The following DCLK1 variants were observed in gnomAD, a reference collection of about 807,000 sequenced individuals.
DCLK1 encodes the protein doublecortin like kinase 1.
In DCLK1, 16 loss-of-function variants were observed where a neutral mutation model predicts 86.2. The observed-to-expected ratio is 0.19, with a 90% CI of 0.13 to 0.28. The LOEUF (loss-of-function observed/expected upper bound fraction) is 0.28, where lower values mean the gene tolerates loss of function less well. Among genes scored for constraint, DCLK1 ranks in the 10% least tolerant of loss-of-function variants. The pLI is 1.00. For synonymous variants in DCLK1, 369 were observed against 370.5 expected, an observed-to-expected ratio of 1.00 and a Z score of 0.05; for missense variants, 590 against 940.2, an observed-to-expected ratio of 0.63 and a Z score of 4.87.
At chr13:35,866,925 C>G (rs1422712643) in intron 5 of DCLK1, among the ~76,000 whole-genome samples, 1 of 152,198 alleles carries the variant, frequency 6.6e-6, no homozygotes, top group Non-Finnish European at 1.5e-5. Flanking sequence ...GGACAGGAGA[C>G]CTGGGCCAGA....
intron 16 of DCLK1, among the ~76,000 whole-genome samples, chr13:35,788,811 A>C (rs565205659): frequency 6.6e-6 from 1 of 152,326 alleles, no homozygotes; most frequent in African/African-American, 2.4e-5. Context: ...TTAAAGGTGA[A>C]TCTTTTCTTT....
intron 4 of DCLK1, among the ~76,000 whole-genome samples, chr13:35,909,595 ATATGTGTGTGTGTG>A (rs1340381137): frequency 9.7e-5 from 10 of 102,886 alleles, no homozygotes; most frequent in South Asian, 3.5e-4. Context: ...TGCTGTGTGC[ATATGTGTGTGTGTG>A]TGTGTGTGTG....
rs1215665059 is a variant in DCLK1 at position 35,950,120 on chromosome 13, C to T, written c.724-2663G>A. ...AACCACTTTCCTGCTCACAACTTCC[C>T]ATTGGAAAAGGTAGGTATGGTCAGT... is the stretch of plus-strand genomic sequence containing the variant. On this transcript the variant is annotated intron_variant, in intron 3 of 16. Coordinates refer to ENST00000360631, the MANE Select transcript of DCLK1 (RefSeq NM_001330071.2). Among the ~76,000 whole-genome samples, 9 of 152,320 alleles carry T rather than the reference C, an allele frequency of 5.9e-5. No homozygotes were observed. The South Asian group carries it at 1.9e-3, about 32-fold the overall frequency.
intron 4 of DCLK1, among the ~76,000 whole-genome samples, chr13:35,913,628 T>C (rs930265515): frequency 1.2e-4 from 18 of 152,228 alleles, no homozygotes; most frequent in African/African-American, 4.3e-4. Flanking sequence ...ACATTTTTTT[T>C]CTTAAAACTC....
intron 3 of DCLK1, among the ~76,000 whole-genome samples, chr13:35,967,255 C>T (rs1356287772): frequency 3.1e-4 from 47 of 150,702 alleles, no homozygotes; most frequent in Non-Finnish European, 5.3e-4. Flanking sequence ...AGGTTGGGGG[C>T]GCCTCTGCCC....
At chr13:35,788,519 G>GT (rs1235693336) in intron 16 of DCLK1, among the ~76,000 whole-genome samples, 1 of 152,164 alleles carries the variant, frequency 6.6e-6, no homozygotes, top group Non-Finnish European at 1.5e-5. Flanking sequence ...CTTCAAACAA[G>GT]TTTTTGAATG....
rs118073060 is a variant in DCLK1 at position 35,897,283 on chromosome 13, T to C, written c.824-25943A>G. 7.4e-4 allele frequency among the ~76,000 whole-genome samples: 113 copies of C among 152,100 alleles called. 2 individuals are homozygous for C. In the East Asian group the frequency reaches 0.02, roughly 27 times the overall value. Reference sequence around the variant, plus strand: ...TTAGAGAGAACACTGGGAGGCAATGTGGAGGATGGAGCTGAGGAGTGCAAG... The same window carrying C: ...TTAGAGAGAACACTGGGAGGCAATGCGGAGGATGGAGCTGAGGAGTGCAAG... On this transcript the variant is annotated intron_variant, in intron 4 of 16. Transcript: ENST00000360631.
In DCLK1 at chr13:36,019,714, A is replaced by G. The variant is rs114241241; in HGVS notation, c.724-72257T>C. 2.8e-3 allele frequency among the ~76,000 whole-genome samples: 423 copies of G among 152,300 alleles called. 1 individual carries two copies. The highest frequency in any genetic ancestry group is 9.4e-3 in the African/African-American group (392 of 41,552). ...TATTTCTTCATATGCTTCTTATTCA[A>G]TCCCTCCTAACTCTTGGCAATACAA... is the stretch of plus-strand genomic sequence containing the variant. On this transcript the variant is annotated intron_variant, in intron 3 of 16. Coordinates refer to ENST00000360631, the MANE Select transcript of DCLK1 (RefSeq NM_001330071.2).
intron 3 of DCLK1, among the ~76,000 whole-genome samples, chr13:36,100,817 AG>A (rs1321527598): frequency 6.6e-6 from 1 of 152,174 alleles, no homozygotes; most frequent in Non-Finnish European, 1.5e-5. Flanking sequence ...TCTGATCACT[AG>A]GTGGTTCCTT....
Position 36,003,828 on chromosome 13 carries a change from T to TA in DCLK1, c.724-56372dup, listed in dbSNP as rs1880830545. ...TGAAAAGATATTTTATGGAAGTAGT[T>TA]ATGATTTTTAAAATTTAATTACCTG... On this transcript the variant is annotated intron_variant, in intron 3 of 16. Coordinates refer to ENST00000360631, the MANE Select transcript of DCLK1 (RefSeq NM_001330071.2). Among the ~76,000 whole-genome samples the TA allele has an allele frequency of 2.6e-5, 4 of 152,238 alleles. No homozygotes were observed. In the South Asian group the frequency reaches 8.3e-4, roughly 32 times the overall value.
At chr13:36,114,717 G>A (rs138347336) in intron 2 of DCLK1, among the ~76,000 whole-genome samples, 184 of 152,184 alleles carry the variant, frequency 1.2e-3, no homozygotes, top group Admixed American at 6.0e-3. Context: ...TGTGGTTCCC[G>A]CCTTAATGCA....
intron 3 of DCLK1, among the ~76,000 whole-genome samples, chr13:36,057,065 C>T (rs995238069): frequency 2.6e-5 from 4 of 151,266 alleles, no homozygotes; most frequent in Non-Finnish European, 4.4e-5. Flanking sequence ...AGTTTATATA[C>T]ACACACACAC....
intron 3 of DCLK1, among the ~76,000 whole-genome samples, chr13:35,981,227 G>GTT (rs148132582): frequency 6.8e-6 from 1 of 146,204 alleles, no homozygotes; most frequent in East Asian, 2.0e-4. Flanking sequence ...AAAGTGTTTT[G>GTT]TTTTTTTTTT....
At chr13:36,068,369 A>G (rs1883842923) in intron 3 of DCLK1, among the ~76,000 whole-genome samples, 1 of 150,420 alleles carries the variant, frequency 6.6e-6, no homozygotes, top group Non-Finnish European at 1.5e-5. Context: ...AACTCTTTAC[A>G]CAAAGCCACA....
At chr13:35,873,846 T>C (rs894466688) in intron 4 of DCLK1, among the ~76,000 whole-genome samples, 2 of 152,234 alleles carry the variant, frequency 1.3e-5, no homozygotes. Context: ...TGTACATTTT[T>C]CCCACACGCA....
At chr13:36,057,851 G>T (rs888602540) in intron 3 of DCLK1, among the ~76,000 whole-genome samples, 2 of 152,128 alleles carry the variant, frequency 1.3e-5, no homozygotes, top group African/African-American at 4.8e-5. Flanking sequence ...TAGAAAGTCG[G>T]CCAGTCATGA....
At chr13:35,977,850 A>G (rs1244564784) in intron 3 of DCLK1, among the ~76,000 whole-genome samples, 1 of 151,974 alleles carries the variant, frequency 6.6e-6, no homozygotes, top group Non-Finnish European at 1.5e-5. Context: ...CAAATAATGG[A>G]AAGTTGCTCA....
chr13:35,967,684 A>G (rs1277093761), intron 3 of DCLK1, among the ~76,000 whole-genome samples: 1 of 152,190 alleles, frequency 6.6e-6, no homozygotes, highest in Non-Finnish European at 1.5e-5. Flanking sequence ...GGACACAAAC[A>G]CTGCGGAAGG....
intron 5 of DCLK1, among the ~76,000 whole-genome samples, chr13:35,864,526 C>T (rs1288358355): frequency 3.2e-5 from 2 of 63,322 alleles, no homozygotes; most frequent in Non-Finnish European, 5.6e-5. Context: ...GATCCCGCCA[C>T]TGCACTCCAG....
Sources: allele counts gnomAD v4.1 joint callset (sites outside exome capture counted in the v4.1 genomes callset), GRCh38; gene constraint gnomAD v4.1.1; transcripts MANE v1.5; gene names NCBI Gene and HGNC (gene_info 2026-07-23, HGNC 2026-07-21).